The following BNC2 variants were observed in gnomAD, a reference collection of about 807,000 sequenced individuals.
BNC2 encodes the protein basonuclin zinc finger protein 2.
In BNC2, 20 loss-of-function variants were observed where a neutral mutation model predicts 76.3. That is an observed-to-expected ratio of 0.26 (90% CI 0.18 to 0.38). The LOEUF (loss-of-function observed/expected upper bound fraction) is 0.38. BNC2 is among the 10% of genes least tolerant of loss of function. The pLI is 1.00. For synonymous variants in BNC2, 582 were observed against 514.8 expected, an observed-to-expected ratio of 1.13 and a Z score of -1.77; for missense variants, 1,382 against 1,399.8, an observed-to-expected ratio of 0.99 and a Z score of 0.20.
chr9:16,799,661 A>C lies in BNC2; in HGVS notation c.4-61176T>G, dbSNP rs189828528. The stretch of plus-strand genomic sequence containing the variant: ...CCCATTGTATTTACAGAACTAACTC[A>C]AATTTCCCCAGTAAAATCTTGATGC... On this transcript the variant is annotated intron_variant, in intron 1 of 6. Coordinates refer to ENST00000380672, the MANE Select transcript of BNC2 (RefSeq NM_017637.6). Among the ~76,000 whole-genome samples, 498 of 152,266 alleles carry C rather than the reference A, an allele frequency of 3.3e-3. 2 individuals are homozygous for C. Among genetic ancestry groups the C allele is most frequent in the Non-Finnish European group, 3.5e-3 (238 of 68,028 alleles).
chr9:16,817,395 G>C (rs1188422612), intron 1 of BNC2, among the ~76,000 whole-genome samples: 1 of 152,208 alleles, frequency 6.6e-6, no homozygotes, highest in Non-Finnish European at 1.5e-5. Context: ...ATTAAAAATA[G>C]TAACAGCAAT....
chr9:16,523,253 T>C (rs7038677), intron 5 of BNC2, among the ~76,000 whole-genome samples: 11,543 of 151,362 alleles, frequency 0.076, 1,522 homozygotes, highest in African/African-American at 0.27. Flanking sequence ...GGGTGGATCA[T>C]GAAGTCAGGA....
chr9:16,453,684 T>C (rs76586581), intron 5 of BNC2, among the ~76,000 whole-genome samples: 8,282 of 152,200 alleles, frequency 0.054, 288 homozygotes, highest in Middle Eastern at 0.12. Flanking sequence ...CAGTGTCTCA[T>C]GCCTGTAAGT....
At chr9:16,659,138 G>C (rs958380145) in intron 3 of BNC2, among the ~76,000 whole-genome samples, 2 of 121,526 alleles carry the variant, frequency 1.6e-5, no homozygotes, top group Admixed American at 7.4e-5. Context: ...GTAAATGGCA[G>C]ATGGATGGCG....
At chr9:16,865,464 G>T (rs1464934094) in intron 1 of BNC2, among the ~76,000 whole-genome samples, 1 of 152,166 alleles carries the variant, frequency 6.6e-6, no homozygotes, top group Non-Finnish European at 1.5e-5. Flanking sequence ...AGCAATTTGT[G>T]AAGTACCAGG....
At chr9:16,557,518 A>AT in intron 4 of BNC2, among the ~76,000 whole-genome samples, 1 of 152,204 alleles carries the variant, frequency 6.6e-6, no homozygotes, top group East Asian at 1.9e-4. Context: ...AAAAAAAAAA[A>AT]AATTCATTTC....
chr9:16,746,713 A>G (rs1825018395), intron 1 of BNC2, among the ~76,000 whole-genome samples: 1 of 151,314 alleles, frequency 6.6e-6, no homozygotes, highest in Non-Finnish European at 1.5e-5. Flanking sequence ...CTGCAATCCC[A>G]GCACTTTTGG....
intron 1 of BNC2, among the ~76,000 whole-genome samples, chr9:16,788,500 C>T (rs1826370971): frequency 6.6e-6 from 1 of 150,540 alleles, no homozygotes; most frequent in African/African-American, 2.5e-5. Flanking sequence ...TTGCAGTGAG[C>T]CGAGATGACG....
intron 3 of BNC2, among the ~76,000 whole-genome samples, chr9:16,686,266 T>C (rs983323193): frequency 6.6e-5 from 10 of 152,158 alleles, no homozygotes; most frequent in Non-Finnish European, 1.5e-4. Context: ...TAAAACTTAA[T>C]GAATGTTTCT....
chr9:16,587,816 T>C (rs552210947), intron 3 of BNC2, among the ~76,000 whole-genome samples: 3 of 152,324 alleles, frequency 2.0e-5, no homozygotes, highest in African/African-American at 4.8e-5. Flanking sequence ...CGGCTACTTA[T>C]TCTTTGGAGT....
At chr9:16,778,362 G>T (rs557168368) in intron 1 of BNC2, among the ~76,000 whole-genome samples, 1 of 152,188 alleles carries the variant, frequency 6.6e-6, no homozygotes, top group African/African-American at 2.4e-5. Context: ...ATGAAAACAG[G>T]ATTCTGAAAC....
chr9:16,839,000 C>T (rs185558930), intron 1 of BNC2, among the ~76,000 whole-genome samples: 2 of 152,306 alleles, frequency 1.3e-5, no homozygotes, highest in Admixed American at 6.5e-5. Flanking sequence ...AAGAAAACTA[C>T]TAATTTCACT....
chr9:16,601,770 C>T (rs1412739474), intron 3 of BNC2, among the ~76,000 whole-genome samples: 4 of 152,176 alleles, frequency 2.6e-5, no homozygotes, highest in African/African-American at 9.7e-5. Flanking sequence ...TTCCTCCCCA[C>T]TGCCACCACT....
At chr9:16,770,851 C>T (rs921308161) in intron 1 of BNC2, among the ~76,000 whole-genome samples, 2 of 151,496 alleles carry the variant, frequency 1.3e-5, no homozygotes, top group African/African-American at 2.4e-5. Context: ...CCAGCCTCAG[C>T]GACAAAGCAA....
chr9:16,869,638 G>A (rs1819627852), intron 1 of BNC2, among the ~76,000 whole-genome samples: 1 of 152,180 alleles, frequency 6.6e-6, no homozygotes. Context: ...CTGGGAGGAA[G>A]CAAACTAAAA....
chr9:16,864,854 T>G (rs182539837), intron 1 of BNC2, among the ~76,000 whole-genome samples: 1 of 152,020 alleles, frequency 6.6e-6, no homozygotes. Flanking sequence ...AATGAAAGGT[T>G]AAATGAATAG....
At chr9:16,563,159 T>C (rs542536621) in intron 4 of BNC2, among the ~76,000 whole-genome samples, 1 of 152,324 alleles carries the variant, frequency 6.6e-6, no homozygotes, top group South Asian at 2.1e-4. Context: ...GGTGGAAATT[T>C]TCATCAATTA....
chr9:16,777,680 G>A (rs932784061), intron 1 of BNC2, among the ~76,000 whole-genome samples: 23 of 137,220 alleles, frequency 1.7e-4, no homozygotes, highest in African/African-American at 5.8e-4. Flanking sequence ...CAGCCTTGGC[G>A]ACAGGGCAAG....
intron 5 of BNC2, chr9:16,473,098 A>C (rs1821858335): frequency 6.6e-6 from 1 of 152,280 alleles, no homozygotes; most frequent in Non-Finnish European, 1.5e-5. Context: ...GGTGGCTCTT[A>C]CTTCTTTCCC....
Sources: gnomAD v4.1 joint callset for allele counts (sites outside exome capture counted in the v4.1 genomes callset) on GRCh38, gnomAD v4.1.1 for gene constraint, MANE v1.5 for transcripts, NCBI Gene and HGNC (gene_info 2026-07-23, HGNC 2026-07-21) for gene names.